Variants in BPIFC observed in about 807,000 individuals in gnomAD.
BPIFC encodes the protein BPI fold-containing family C protein.
Under a neutral mutation model 57.6 loss-of-function variants are expected in BPIFC, and 60 were observed. The ratio of observed to expected loss-of-function variants is 1.04; its 90% CI spans 0.85 to 1.29. BPIFC has a LOEUF of 1.29. BPIFC is among the 50% of genes most tolerant of loss of function. The probability of loss-of-function intolerance (pLI) is 0.00; values close to 1 mark genes in which losing one functional copy is unlikely to be tolerated. For missense variants in BPIFC, 581 were observed against 600.5 expected, an observed-to-expected ratio of 0.97 and a Z score of 0.34; for synonymous variants, 243 against 224.5, an observed-to-expected ratio of 1.08 and a Z score of -0.74.
chr22:32,426,566 C>T (rs927244649), intron 13 of BPIFC, among the ~76,000 whole-genome samples: 2 of 152,204 alleles, frequency 1.3e-5, no homozygotes, highest in African/African-American at 2.4e-5. Flanking sequence ...TAGAAGCCCC[C>T]TGTGCTTGGT....
rs1933604701 is a variant in BPIFC, at chr22:32,414,271, T to C, written c.*32A>G. 5.0e-6 allele frequency: 8 copies of C among 1,610,774 alleles called. No homozygotes were observed. The highest frequency in any genetic ancestry group is 6.8e-6 in the Non-Finnish European group (8 of 1,178,178). ...ACAGTAGTTGTAGGATTAAGGACCA[T>C]TTACTTCCTGGGGTGAATTGCAAAC... On this transcript the variant is annotated 3_prime_UTR_variant, in exon 17 of 17. Transcript: ENST00000300399.
Sources: gnomAD v4.1 joint callset for allele counts (sites outside exome capture counted in the v4.1 genomes callset) on GRCh38, gnomAD v4.1.1 for gene constraint, MANE v1.5 for transcripts, NCBI Gene and HGNC (gene_info 2026-07-23, HGNC 2026-07-21) for gene names.